Variants in CMIP observed in about 807,000 individuals in gnomAD.
The protein encoded by CMIP is C-Maf-inducing protein.
A neutral mutation model predicts 97.3 loss-of-function variants in CMIP; 13 were observed. That is an observed-to-expected ratio of 0.13 (90% confidence interval 0.09 to 0.21). CMIP has a LOEUF of 0.21. Ranked by LOEUF, CMIP falls within the 10% of genes least tolerant of loss-of-function variation. The pLI, the probability that CMIP is intolerant of heterozygous loss-of-function variation, is 1.00. For missense variants in CMIP, 847 were observed against 1,024.9 expected, an observed-to-expected ratio of 0.83 and a Z score of 2.37; for synonymous variants, 538 against 436.3, an observed-to-expected ratio of 1.23 and a Z score of -2.91.
At chr16:81,465,779 G>T (rs952057563) in intron 1 of CMIP, among the ~76,000 whole-genome samples, 1 of 152,180 alleles carries the variant, frequency 6.6e-6, no homozygotes, top group African/African-American at 2.4e-5. Flanking sequence ...GGCAGGGGTT[G>T]TGCCTGTGGC....
At chr16:81,511,582 A>G (rs1308459787) in intron 1 of CMIP, among the ~76,000 whole-genome samples, 1 of 152,156 alleles carries the variant, frequency 6.6e-6, no homozygotes, top group Non-Finnish European at 1.5e-5. Flanking sequence ...TTGTTTTTAC[A>G]CAAGGTCTCA....
chr16:81,605,112 G>A (rs2150938479), intron 1 of CMIP, among the ~76,000 whole-genome samples: 1 of 152,290 alleles, frequency 6.6e-6, no homozygotes, highest in Admixed American at 6.5e-5. Flanking sequence ...GGCTTCTCCG[G>A]CAGTGCTCAG....
At chr16:81,696,385 A>G in intron 13 of CMIP, 175 bp from the exon 14 acceptor site, 1 of 667,054 alleles carries the variant, frequency 1.5e-6, no homozygotes, top group Non-Finnish European at 2.6e-6. Context: ...TATTTCCCGA[A>G]AGACCTTTCA....
intron 3 of CMIP, among the ~76,000 whole-genome samples, chr16:81,650,575 G>A (rs1208532956): frequency 6.6e-6 from 1 of 152,164 alleles, no homozygotes; most frequent in Admixed American, 6.5e-5. Context: ...AAATCATGGG[G>A]TGCGGGAAAA....
chr16:81,490,533 T>C (rs1183345327), intron 1 of CMIP, among the ~76,000 whole-genome samples: 1 of 152,066 alleles, frequency 6.6e-6, no homozygotes, highest in African/African-American at 2.4e-5. Flanking sequence ...GGCAGGAGAA[T>C]TGCTTGAACC....
intron 1 of CMIP, among the ~76,000 whole-genome samples, chr16:81,605,464 G>T (rs561250482): frequency 6.6e-6 from 1 of 152,334 alleles, no homozygotes; most frequent in Admixed American, 6.5e-5. Context: ...TTTCAAGTCT[G>T]TTTTCTATGC....
intron 3 of CMIP, among the ~76,000 whole-genome samples, chr16:81,650,085 G>A (rs2092409817): frequency 6.6e-6 from 1 of 152,208 alleles, no homozygotes; most frequent in South Asian, 2.1e-4. Context: ...GCGTCTCATC[G>A]TTAATGAAGT....
intron 9 of CMIP, among the ~76,000 whole-genome samples, chr16:81,676,591 C>G (rs1213130348): frequency 6.6e-6 from 1 of 152,212 alleles, no homozygotes; most frequent in African/African-American, 2.4e-5. Flanking sequence ...CCATCACAGA[C>G]CACACACAAG....
chr16:81,594,100 C>T (rs1246289231), intron 1 of CMIP, among the ~76,000 whole-genome samples: 1 of 121,842 alleles, frequency 8.2e-6, no homozygotes, highest in Middle Eastern at 4.0e-3. Context: ...CCTCTTCCTC[C>T]CCCTCCTCCC....
chr16:81,589,273 T>A (rs2091430282), intron 1 of CMIP, among the ~76,000 whole-genome samples: 1 of 152,018 alleles, frequency 6.6e-6, no homozygotes, highest in Non-Finnish European at 1.5e-5. Flanking sequence ...ATTTTTCTGT[T>A]TTTAGTAGAG....
At chr16:81,530,242 A>C (rs894520953) in intron 1 of CMIP, among the ~76,000 whole-genome samples, 1 of 152,186 alleles carries the variant, frequency 6.6e-6, no homozygotes, top group African/African-American at 2.4e-5. Flanking sequence ...CAGCCTTCTT[A>C]CTAGAGGATT....
chr16:81,573,517 A>T (rs1048113492), intron 1 of CMIP, among the ~76,000 whole-genome samples: 4 of 152,184 alleles, frequency 2.6e-5, no homozygotes, highest in African/African-American at 9.7e-5. Context: ...GATGCAGGAG[A>T]CTGAGGACAT....
At chr16:81,531,481 C>T (rs1373339079) in intron 1 of CMIP, among the ~76,000 whole-genome samples, 2 of 152,214 alleles carry the variant, frequency 1.3e-5, no homozygotes, top group African/African-American at 4.8e-5. Flanking sequence ...GCCCTCAGTC[C>T]AGTCTCGATT....
At chr16:81,660,530 C>G (rs1031879422) in intron 5 of CMIP, among the ~76,000 whole-genome samples, 2 of 152,172 alleles carry the variant, frequency 1.3e-5, no homozygotes, top group African/African-American at 4.8e-5. Flanking sequence ...CTGCCTTGGC[C>G]TCCCAAAGTG....
At chr16:81,671,386 G>A (rs1189577711) in intron 8 of CMIP, among the ~76,000 whole-genome samples, 2 of 152,166 alleles carry the variant, frequency 1.3e-5, no homozygotes, top group Non-Finnish European at 2.9e-5. Flanking sequence ...CACCAAAATA[G>A]CCAAGACAAG....
In CMIP at chr16:81,540,554, C is replaced by T. The variant is rs145044909; in HGVS notation, c.301-67013C>T. 9.1e-4 allele frequency among the ~76,000 whole-genome samples: 138 copies of T among 152,318 alleles called. 2 individuals are homozygous for T. The East Asian group carries it at 0.019, about 21-fold the overall frequency. On this transcript the variant is annotated intron_variant, in intron 1 of 20. Transcript: ENST00000537098. ...GGGCTCAAGTGATCCTCTCCTGCCT[C>T]GGCCTCCCAAAGTGTTGGGATTACA... is the stretch of plus-strand genomic sequence containing the variant.
chr16:81,513,028 T>C (rs1056888755), intron 1 of CMIP, among the ~76,000 whole-genome samples: 2 of 152,256 alleles, frequency 1.3e-5, no homozygotes, highest in Admixed American at 6.5e-5. Flanking sequence ...TGAGCCACCA[T>C]GTCCGGCTTA....
chr16:81,705,037 C>G (rs1020767243), intron 18 of CMIP, among the ~76,000 whole-genome samples: 1 of 152,070 alleles, frequency 6.6e-6, no homozygotes, highest in African/African-American at 2.4e-5. Flanking sequence ...CTGCTCAGTA[C>G]TCTGCACAGG....
chr16:81,543,040 G>A lies in CMIP; in HGVS notation c.301-64527G>A, dbSNP rs181688811. Among the ~76,000 whole-genome samples the A allele has an allele frequency of 2.2e-3, 332 of 152,310 alleles. 1 individual carries two copies. The highest frequency in any genetic ancestry group is 1.7e-3 in the Non-Finnish European group (119 of 68,010). On this transcript the variant is annotated intron_variant, in intron 1 of 20. Coordinates refer to ENST00000537098, the MANE Select transcript of CMIP (RefSeq NM_198390.3). Reference sequence around the variant, plus strand: ...CCGCTTGGGAGCCAGTCCGTTCCACGGGGTGCTGGTCTGAGCCCTGCCCGC... The same window carrying A: ...CCGCTTGGGAGCCAGTCCGTTCCACAGGGTGCTGGTCTGAGCCCTGCCCGC...
Sources: gnomAD v4.1 joint callset for allele counts (sites outside exome capture counted in the v4.1 genomes callset) on GRCh38, gnomAD v4.1.1 for gene constraint, MANE v1.5 for transcripts, NCBI Gene and HGNC (gene_info 2026-07-23, HGNC 2026-07-21) for gene names.